Variants in DNAJC5B observed in about 807,000 individuals in gnomAD.
The protein encoded by DNAJC5B is DnaJ heat shock protein family (Hsp40) member C5 beta.
Under a neutral mutation model 24.7 loss-of-function variants are expected in DNAJC5B, and 23 were observed. That is an observed-to-expected ratio of 0.93 (90% CI 0.67 to 1.32). The LOEUF (loss-of-function observed/expected upper bound fraction) is 1.32, where lower values mean the gene tolerates loss of function less well. DNAJC5B is among the 40% of genes most tolerant of loss of function. DNAJC5B has a pLI of 0.00. For missense variants in DNAJC5B, 238 were observed against 240.8 expected, an observed-to-expected ratio of 0.99 and a Z score of 0.08; for synonymous variants, 101 against 90.1, an observed-to-expected ratio of 1.12 and a Z score of -0.68.
intron 3 of DNAJC5B, among the ~76,000 whole-genome samples, chr8:66,064,606 T>A (rs1586093521): frequency 6.6e-6 from 1 of 152,202 alleles, no homozygotes; most frequent in Admixed American, 6.5e-5. Flanking sequence ...CATAATAAAG[T>A]TAGATGCCCA....
intron 3 of DNAJC5B, among the ~76,000 whole-genome samples, chr8:66,071,133 T>C (rs1024284972): frequency 1.8e-4 from 28 of 152,160 alleles, no homozygotes; most frequent in African/African-American, 5.6e-4. Context: ...ATTCAGGACA[T>C]AGGCATGGGC....
Position 66,075,465 on chromosome 8 carries a change from TA to T in DNAJC5B, c.120-1188del, listed in dbSNP as rs377421039. On this transcript the variant is annotated intron_variant, in intron 3 of 5. Coordinates refer to ENST00000276570, the MANE Select transcript of DNAJC5B (RefSeq NM_033105.6). Reference sequence around the variant, plus strand: ...TGCTGAAATATAGTAAACATAAAAGTAAAAAAATGACAAAAGGCATTTTATG... The same window carrying T: ...TGCTGAAATATAGTAAACATAAAAGTAAAAAATGACAAAAGGCATTTTATG... Among the ~76,000 whole-genome samples the T allele has an allele frequency of 9.8e-3, 1,487 of 152,170 alleles. 20 individuals are homozygous for T. The highest frequency in any genetic ancestry group is 0.03 in the African/African-American group (1,229 of 41,546).
intron 1 of DNAJC5B, among the ~76,000 whole-genome samples, chr8:66,031,259 A>G (rs538511165): frequency 6.6e-6 from 1 of 152,268 alleles, no homozygotes; most frequent in African/African-American, 2.4e-5. Context: ...TGATACACAC[A>G]TATGTTATTA....
intron 4 of DNAJC5B, among the ~76,000 whole-genome samples, chr8:66,078,405 A>G (rs185664358): frequency 2.0e-4 from 30 of 152,298 alleles, no homozygotes; most frequent in African/African-American, 5.8e-4. Context: ...TACCACAAAG[A>G]TACATACTTA....
the DNAJC5B span, among the ~76,000 whole-genome samples, chr8:66,015,332 T>G: frequency 6.6e-6 from 1 of 152,196 alleles, no homozygotes; most frequent in East Asian, 1.9e-4. Flanking sequence ...AACAAGCCTG[T>G]GTTCTTTTGT....
intron 4 of DNAJC5B, 55 bp downstream of exon 4, chr8:66,076,928 C>T: frequency 1.3e-6 from 2 of 1,584,910 alleles, no homozygotes; most frequent in South Asian, 2.2e-5. Context: ...ATATTAATCA[C>T]TCTTTTAGAT....
rs141792053 is a variant in DNAJC5B at position 66,048,920 on chromosome 8, G to A, written c.-17-2611G>A. 7.8e-3 allele frequency among the ~76,000 whole-genome samples: 1,181 copies of A among 152,182 alleles called. 10 individuals carry two copies. The highest frequency in any genetic ancestry group is 0.024 in the Middle Eastern group (7 of 294). On this transcript the variant is annotated intron_variant, in intron 2 of 5. Transcript: ENST00000276570. ...ACCTAATATGTGCCAAGCACAAAGC[G>A]AGGCCTCTAATGGCATGGTTCCCAA... is the stretch of plus-strand genomic sequence containing the variant.
intron 3 of DNAJC5B, among the ~76,000 whole-genome samples, chr8:66,060,630 G>A (rs1434213644): frequency 6.6e-6 from 1 of 152,156 alleles, no homozygotes; most frequent in Non-Finnish European, 1.5e-5. Context: ...GTGTGATTAG[G>A]TTTCCTCTTT....
At chr8:66,042,028 G>A (rs1039975776) in intron 1 of DNAJC5B, among the ~76,000 whole-genome samples, 7 of 152,122 alleles carry the variant, frequency 4.6e-5, no homozygotes, top group African/African-American at 1.7e-4. Context: ...GTTCAGGGAA[G>A]CTTTCTCTAA....
At chr8:66,018,939 C>T (rs530589661), upstream of DNAJC5B, among the ~76,000 whole-genome samples, 4 of 152,352 alleles carry the variant, frequency 2.6e-5, no homozygotes, top group South Asian at 6.2e-4. Context: ...AGAGTGCCTG[C>T]TTCTGAAGAG....
chr8:66,066,736 AG>A (rs1469878186), intron 3 of DNAJC5B, among the ~76,000 whole-genome samples: 1 of 152,054 alleles, frequency 6.6e-6, no homozygotes, highest in East Asian at 1.9e-4. Flanking sequence ...GGAGGGTAGA[AG>A]GGGGTGAAGG....
chr8:66,091,716 C>T (rs1176736410), intron 5 of DNAJC5B, among the ~76,000 whole-genome samples: 1 of 151,938 alleles, frequency 6.6e-6, no homozygotes. Flanking sequence ...CCCCAATGTA[C>T]TAGAGAAGTG....
intron 5 of DNAJC5B, among the ~76,000 whole-genome samples, chr8:66,095,876 A>G (rs567091564): frequency 5.3e-5 from 8 of 152,240 alleles, no homozygotes; most frequent in African/African-American, 1.9e-4. Flanking sequence ...CAACACTATG[A>G]TACCAGTGCT....
At chr8:66,016,683 T>C (rs763332919), upstream of DNAJC5B, among the ~76,000 whole-genome samples, 1 of 152,230 alleles carries the variant, frequency 6.6e-6, no homozygotes, top group Non-Finnish European at 1.5e-5. Flanking sequence ...ATGAATTTTG[T>C]AGAACTCTCA....
Position 66,071,681 on chromosome 8 carries a change from C to T in DNAJC5B, c.120-4979C>T, listed in dbSNP as rs560629606. 2.0e-5 allele frequency among the ~76,000 whole-genome samples: 3 copies of T among 152,170 alleles called. No individual in the cohort carries two copies. The East Asian group carries it at 5.8e-4, about 29-fold the overall frequency. On this transcript the variant is annotated intron_variant, in intron 3 of 5. Transcript: ENST00000276570. Reference sequence around the variant, plus strand: ...TCTAGAACTAGAAATACCATTTGACCCAGCAATCCCATTACTGGGTATATA... The same window carrying T: ...TCTAGAACTAGAAATACCATTTGACTCAGCAATCCCATTACTGGGTATATA...
intron 2 of DNAJC5B, among the ~76,000 whole-genome samples, chr8:66,051,095 A>G (rs1029174471): frequency 6.6e-6 from 1 of 152,210 alleles, no homozygotes; most frequent in African/African-American, 2.4e-5. Context: ...ATTTAGTATA[A>G]TTTGGACAAC....
chr8:66,047,692 C>G (rs927194894), intron 2 of DNAJC5B, among the ~76,000 whole-genome samples: 1 of 152,108 alleles, frequency 6.6e-6, no homozygotes, highest in Admixed American at 6.5e-5. Context: ...GCTCTTAAGA[C>G]TTTTATGGAA....
chr8:66,100,251 G>A lies in DNAJC5B; in HGVS notation c.*220G>A. On this transcript the variant is annotated 3_prime_UTR_variant, in exon 6 of 6. Coordinates refer to ENST00000276570, the MANE Select transcript of DNAJC5B (RefSeq NM_033105.6). ...AACACATTCAATTTGGGTGAATAAA[G>A]GCCTGAAGAGTTATTTTACCCTCCT... The A allele has an allele frequency of 2.1e-6, 1 of 466,736 alleles. No individual in the cohort carries two copies. The highest frequency in any genetic ancestry group is 3.6e-5 in the Admixed American group (1 of 27,884). 28.9% of individuals were successfully genotyped at this position (466,736 alleles called of 1,614,324 possible).
At chr8:66,052,856 C>A (rs1285367239) in intron 3 of DNAJC5B, among the ~76,000 whole-genome samples, 1 of 152,148 alleles carries the variant, frequency 6.6e-6, no homozygotes, top group Non-Finnish European at 1.5e-5. Flanking sequence ...ACCTTAACCA[C>A]CTTCTGGACA....
Sources: allele counts gnomAD v4.1 joint callset (sites outside exome capture counted in the v4.1 genomes callset), GRCh38; gene constraint gnomAD v4.1.1; transcripts MANE v1.5; gene names NCBI Gene and HGNC (gene_info 2026-07-23, HGNC 2026-07-21).